Variants in LEMD1 observed in about 807,000 individuals in gnomAD.
LEMD1 encodes LEM domain containing 1, also known as LEM domain-containing protein 1.
A neutral mutation model predicts 17.4 loss-of-function variants in LEMD1; 18 were observed. That is an observed-to-expected ratio of 1.04 (90% confidence interval 0.72 to 1.54). LEMD1 has a LOEUF of 1.54. LEMD1 is among the 40% of genes most tolerant of loss of function. LEMD1 has a pLI of 0.00. For synonymous variants in LEMD1, 88 were observed against 77.8 expected, an observed-to-expected ratio of 1.13 and a Z score of -0.69; for missense variants, 195 against 210.4, an observed-to-expected ratio of 0.93 and a Z score of 0.45.
chr1:205,405,657 G>C (rs1476288209), intron 4 of LEMD1, among the ~76,000 whole-genome samples: 5 of 151,750 alleles, frequency 3.3e-5, no homozygotes, highest in Admixed American at 2.6e-4. Context: ...ATTTCCTCCT[G>C]TAGCTCGGAG....
At chr1:205,411,670 GAAAA>G (rs1253477704) in intron 4 of LEMD1, among the ~76,000 whole-genome samples, 3 of 127,050 alleles carry the variant, frequency 2.4e-5, no homozygotes, top group African/African-American at 9.4e-5. Context: ...AAGAAAGAAA[GAAAA>G]GAAAGAAAGA....
chr1:205,393,981 A>G (rs1463284493), intron 4 of LEMD1, among the ~76,000 whole-genome samples: 1 of 152,178 alleles, frequency 6.6e-6, no homozygotes, highest in Non-Finnish European at 1.5e-5. Flanking sequence ...GAATGAATAA[A>G]CAAATTGTGG....
intron 2 of LEMD1, 86 bp downstream of exon 2, chr1:205,420,369 G>T: frequency 2.0e-6 from 2 of 997,208 alleles, no homozygotes; most frequent in Non-Finnish European, 3.2e-6. Flanking sequence ...TATTTTAATG[G>T]CTTTACTGCA....
chr1:205,444,692 A>G (rs1666352992), intron 1 of LEMD1, among the ~76,000 whole-genome samples: 1 of 152,168 alleles, frequency 6.6e-6, no homozygotes, highest in South Asian at 2.1e-4. Flanking sequence ...AGGTGTCTCG[A>G]ATTTTGGCAA....
At chr1:205,445,264 C>G (rs1666368430) in intron 1 of LEMD1, among the ~76,000 whole-genome samples, 1 of 152,202 alleles carries the variant, frequency 6.6e-6, no homozygotes, top group Non-Finnish European at 1.5e-5. Context: ...CTGCAGGTTT[C>G]TGGGAACTGT....
chr1:205,403,100 T>G (rs982977800), intron 4 of LEMD1, among the ~76,000 whole-genome samples: 13 of 152,186 alleles, frequency 8.5e-5, no homozygotes, highest in Middle Eastern at 6.8e-3. Flanking sequence ...GGATTCGGTG[T>G]GCCAATATTT....
chr1:205,431,194 T>G (rs1252704666), intron 1 of LEMD1, among the ~76,000 whole-genome samples: 1 of 152,220 alleles, frequency 6.6e-6, no homozygotes, highest in East Asian at 1.9e-4. Context: ...GTGAACTAAT[T>G]TAATCATTCC....
At chr1:205,386,943 T>C (rs1664060723) in intron 4 of LEMD1, 1 of 152,188 alleles carries the variant, frequency 6.6e-6, no homozygotes, top group Non-Finnish European at 1.5e-5. Context: ...TATACAAAAA[T>C]AGACAACAGT....
intron 4 of LEMD1, among the ~76,000 whole-genome samples, chr1:205,410,719 A>G (rs928374208): frequency 1.3e-5 from 2 of 152,096 alleles, no homozygotes; most frequent in Admixed American, 1.3e-4. Context: ...ATGAAAAAGT[A>G]GCGAGGCATG....
intron 4 of LEMD1, among the ~76,000 whole-genome samples, chr1:205,400,477 A>C (rs563616141): frequency 9.1e-4 from 139 of 152,342 alleles, no homozygotes; most frequent in African/African-American, 3.2e-3. Flanking sequence ...GCCATTTCTA[A>C]AGAATTCCTG....
At chr1:205,383,115 G>C (rs1663803727) in intron 5 of LEMD1, among the ~76,000 whole-genome samples, 1 of 152,042 alleles carries the variant, frequency 6.6e-6, no homozygotes, top group South Asian at 2.1e-4. Context: ...TTGAGACAGG[G>C]TCTCACTCTG....
At chr1:205,420,827 A>G (rs1361044580) in intron 1 of LEMD1, among the ~76,000 whole-genome samples, 1 of 152,208 alleles carries the variant, frequency 6.6e-6, no homozygotes, top group African/African-American at 2.4e-5. Flanking sequence ...GTTCTGTTCA[A>G]TGAATATGAG....
At chr1:205,397,307 T>A (rs897582226) in intron 4 of LEMD1, among the ~76,000 whole-genome samples, 2 of 152,208 alleles carry the variant, frequency 1.3e-5, no homozygotes, top group Non-Finnish European at 2.9e-5. Flanking sequence ...CCACTAGATT[T>A]CTATTTCCAA....
At chr1:205,413,821 T>G (rs908905108) in intron 4 of LEMD1, among the ~76,000 whole-genome samples, 5 of 151,686 alleles carry the variant, frequency 3.3e-5, no homozygotes, top group African/African-American at 1.2e-4. Context: ...CCCAGATAAT[T>G]TTTTGTATTT....
At chr1:205,410,572 G>C (rs1665341533) in intron 4 of LEMD1, among the ~76,000 whole-genome samples, 1 of 152,100 alleles carries the variant, frequency 6.6e-6, no homozygotes. Context: ...CAGCCAACAG[G>C]GACTGAGTAA....
upstream of LEMD1, among the ~76,000 whole-genome samples, chr1:205,424,580 TA>T (rs1413508247): frequency 6.6e-6 from 1 of 152,000 alleles, no homozygotes; most frequent in Non-Finnish European, 1.5e-5. Flanking sequence ...CTACAAAAAA[TA>T]AGATAAAGAG....
At position 205,381,496 on chromosome 1, in the gene LEMD1, C is replaced by T; in HGVS notation, c.*162G>A. 1.5e-6 allele frequency: 1 copy of T among 683,004 alleles called. No individual in the cohort carries two copies. Among genetic ancestry groups the T allele is most frequent in the South Asian group, 1.8e-5 (1 of 55,984 alleles). 42.3% of individuals were successfully genotyped at this position (683,004 alleles called of 1,614,324 possible). On this transcript the variant is annotated 3_prime_UTR_variant, in exon 6 of 6. Transcript: ENST00000367153. ...GGTGCCTGGTTAGGCAGGTTCCTTC[C>T]ACCTGGCTGAGCCCAGACACCGATC...
At chr1:205,442,164 G>C (rs896362732) in intron 1 of LEMD1, among the ~76,000 whole-genome samples, 1 of 152,166 alleles carries the variant, frequency 6.6e-6, no homozygotes, top group African/African-American at 2.4e-5. Context: ...GGTCAGGCCG[G>C]GGCCTGGTCT....
intron 3 of LEMD1, among the ~76,000 whole-genome samples, chr1:205,418,641 G>A (rs1294074052): frequency 1.2e-4 from 18 of 152,066 alleles, no homozygotes; most frequent in Admixed American, 2.6e-4. Flanking sequence ...TCAGCCTCCC[G>A]AGTAGCTGGG....
Sources: allele counts gnomAD v4.1 joint callset (sites outside exome capture counted in the v4.1 genomes callset), GRCh38; gene constraint gnomAD v4.1.1; transcripts MANE v1.5; gene names NCBI Gene and HGNC (gene_info 2026-07-23, HGNC 2026-07-21).